Variants in C6orf118 observed in about 807,000 individuals in gnomAD.
The protein encoded by C6orf118 is chromosome 6 open reading frame 118.
In C6orf118, 50 loss-of-function variants were observed where a neutral mutation model predicts 50.2. The ratio of observed to expected loss-of-function variants is 1.00; its 90% CI spans 0.79 to 1.26. The LOEUF (loss-of-function observed/expected upper bound fraction) is 1.26. C6orf118 is among the 50% of genes most tolerant of loss of function. C6orf118 has a pLI of 0.00. For synonymous variants in C6orf118, 239 were observed against 230.9 expected, an observed-to-expected ratio of 1.03 and a Z score of -0.32; for missense variants, 641 against 578.7, an observed-to-expected ratio of 1.11 and a Z score of -1.10.
At chr6:165,289,221 G>T (rs556786139) in intron 7 of C6orf118, among the ~76,000 whole-genome samples, 1 of 151,392 alleles carries the variant, frequency 6.6e-6, no homozygotes, top group East Asian at 1.9e-4. Flanking sequence ...CCGAACATAT[G>T]ATTGTAAAAG....
chr6:165,289,823 T>A (rs1312694823), intron 7 of C6orf118, 63 bp downstream of exon 7: 1 of 1,166,616 alleles, frequency 8.6e-7, no homozygotes, highest in Non-Finnish European at 1.2e-6. Context: ...CATTACTTCA[T>A]GTGTTTGCCA....
chr6:165,299,490 G>C lies in C6orf118; in HGVS notation c.889C>G (p.Leu297Val). ...GACTCCAGGAGCGTTGCCATGTAGA[G>C]TTCATATTCATCCTGTACAGAAACA... ...LLKKVKDEYE[L>V]YMATLLESQP... is the part of the protein sequence containing the mutation. The change falls in exon 4 of 9, where the codon CTC (leucine) becomes GTC (valine). Residue 297 changes from leucine (L) to valine (V), a missense_variant. Coordinates refer to ENST00000230301, the MANE Select transcript of C6orf118 (RefSeq NM_144980.4). 1 of 1,614,060 alleles carries C rather than the reference G, an allele frequency of 6.2e-7. No homozygotes were observed. The highest frequency in any genetic ancestry group is 8.5e-7 in the Non-Finnish European group (1 of 1,179,976).
At chr6:165,291,627 C>T (rs1780108747) in intron 6 of C6orf118, among the ~76,000 whole-genome samples, 1 of 152,050 alleles carries the variant, frequency 6.6e-6, no homozygotes, top group Admixed American at 6.6e-5. Flanking sequence ...CTTGGATATA[C>T]AGATCTCAAG....
rs1301815377 is a variant in C6orf118, at chr6:165,280,121, A to T, written c.1357-11T>A. On this transcript the variant is annotated splice_polypyrimidine_tract_variant and intron_variant, in intron 8 of 8. Transcript: ENST00000230301. ...AATTTCCAAAGGCCCCTTAAAATAC[A>T]TAAGAAATGAATACCATAGGTTAGA... The T allele has an allele frequency of 6.4e-7, 1 of 1,571,876 alleles. No homozygotes were observed. Among genetic ancestry groups the T allele is most frequent in the South Asian group, 1.1e-5 (1 of 87,560 alleles).
chr6:165,302,755 T>G (rs1309185226), intron 1 of C6orf118, among the ~76,000 whole-genome samples: 1 of 152,150 alleles, frequency 6.6e-6, no homozygotes, highest in Non-Finnish European at 1.5e-5. Context: ...AGTCCCTGAC[T>G]AAACCCCTCA....
Position 165,302,306 on chromosome 6 carries a change from A to C in C6orf118, c.26-10T>G. On this transcript the variant is annotated splice_polypyrimidine_tract_variant and intron_variant, in intron 1 of 8. Transcript: ENST00000230301. ...TTCCACTTCAGGTACACTGGTCAGA[A>C]AAGAAAAGGAGGCTCTTAGGGATCG... 1 of 1,607,452 alleles carries C rather than the reference A, an allele frequency of 6.2e-7. No individual in the cohort carries two copies. Among genetic ancestry groups the C allele is most frequent in the Non-Finnish European group, 8.5e-7 (1 of 1,178,632 alleles).
intron 2 of C6orf118, among the ~76,000 whole-genome samples, chr6:165,300,839 G>A (rs918750766): frequency 6.6e-6 from 1 of 151,726 alleles, no homozygotes; most frequent in Non-Finnish European, 1.5e-5. Flanking sequence ...CTTCTCTTTC[G>A]TGCATCGTCC....
intron 1 of C6orf118, among the ~76,000 whole-genome samples, chr6:165,308,900 T>A (rs546968): frequency 0.5 from 76,354 of 152,132 alleles, 19,424 homozygotes; most frequent in Admixed American, 0.54. Flanking sequence ...TTGTTGAGAC[T>A]GCTTTGCTCA....
intron 3 of C6orf118, among the ~76,000 whole-genome samples, chr6:165,299,973 A>G (rs1780457385): frequency 6.6e-6 from 1 of 152,234 alleles, no homozygotes; most frequent in Admixed American, 6.5e-5. Flanking sequence ...CATGAGCCAC[A>G]GCACCCAAAA....
At chr6:165,287,844 A>C (rs905827187) in intron 7 of C6orf118, among the ~76,000 whole-genome samples, 4 of 152,220 alleles carry the variant, frequency 2.6e-5, no homozygotes, top group Non-Finnish European at 4.4e-5. Flanking sequence ...AAGAAAATCT[A>C]AGCAATACCA....
chr6:165,287,632 C>T (rs576054384), intron 7 of C6orf118, among the ~76,000 whole-genome samples: 18 of 151,996 alleles, frequency 1.2e-4, no homozygotes, highest in Non-Finnish European at 1.8e-4. Context: ...TAAGACTGCA[C>T]GCCTACAACC....
At chr6:165,294,090 C>CA (rs1454370050) in intron 5 of C6orf118, among the ~76,000 whole-genome samples, 1 of 151,396 alleles carries the variant, frequency 6.6e-6, no homozygotes, top group African/African-American at 2.4e-5. Context: ...ACTGAAAATA[C>CA]AAAAAATTAG....
At chr6:165,293,501 T>C in intron 5 of C6orf118, 30 bp from the exon 6 acceptor site, 2 of 1,578,794 alleles carry the variant, frequency 1.3e-6, no homozygotes, top group Non-Finnish European at 1.7e-6. Flanking sequence ...AATAGGGAAA[T>C]ATTAGATCCC....
chr6:165,281,572 ACACAGGACAAGCAGT>A, intron 8 of C6orf118, 53 bp downstream of exon 8: 1 of 1,459,030 alleles, frequency 6.9e-7, no homozygotes, highest in Non-Finnish European at 9.1e-7. Flanking sequence ...CATGCTTATT[ACACAGGACAAGCAGT>A]CACCAGAGGA....
intron 7 of C6orf118, 89 bp from the exon 8 acceptor site, chr6:165,281,782 T>C (rs529308477): frequency 2.4e-6 from 2 of 819,044 alleles, no homozygotes; most frequent in South Asian, 4.4e-5. Flanking sequence ...ATGTGAATGA[T>C]ATTATAATTT....
intron 1 of C6orf118, among the ~76,000 whole-genome samples, chr6:165,308,085 C>G (rs1780812165): frequency 6.6e-6 from 1 of 152,186 alleles, no homozygotes; most frequent in African/African-American, 2.4e-5. Context: ...CCCAGGGCCA[C>G]AGGGGACCTG....
intron 7 of C6orf118, among the ~76,000 whole-genome samples, chr6:165,286,885 C>T (rs972765201): frequency 7.9e-5 from 12 of 152,238 alleles, no homozygotes; most frequent in African/African-American, 1.4e-4. Context: ...AGAATGCCCT[C>T]GCTCACCACT....
intron 1 of C6orf118, 46 bp downstream of exon 1, chr6:165,309,516 T>C: frequency 6.2e-7 from 1 of 1,611,846 alleles, no homozygotes; most frequent in Non-Finnish European, 8.5e-7. Flanking sequence ...CAATTGAACA[T>C]CAAGCAAATC....
chr6:165,301,850 C>T lies in C6orf118; in HGVS notation c.472G>A (p.Glu158Lys). The stretch of plus-strand genomic sequence containing the variant: ...CGTCCAGGAGGGCCTCCTTTCTTTT[C>T]TTCCTTCCCCTCTCTGACAGCCTCC... ...PVEAVREGKEEKKGGPPGRGP... is the reference protein window; with the variant it reads ...PVEAVREGKEKKKGGPPGRGP... Residue 158 changes from glutamate (E) to lysine (K), a missense_variant, in exon 2 of 9, where the codon GAA becomes AAA. Transcript: ENST00000230301. The T allele has an allele frequency of 1.2e-6, 2 of 1,613,846 alleles. No individual in the cohort carries two copies. The highest frequency in any genetic ancestry group is 1.7e-6 in the Non-Finnish European group (2 of 1,179,984).
Sources: allele counts gnomAD v4.1 joint callset (sites outside exome capture counted in the v4.1 genomes callset), GRCh38; gene constraint gnomAD v4.1.1; transcripts MANE v1.5; gene names NCBI Gene and HGNC (gene_info 2026-07-23, HGNC 2026-07-21).